ADAMTS20: variants seen among roughly 807,000 people sequenced by gnomAD.
ADAMTS20 encodes the protein ADAM metallopeptidase with thrombospondin type 1 motif 20.
A neutral mutation model predicts 260.1 loss-of-function variants in ADAMTS20; 225 were observed. That is an observed-to-expected ratio of 0.87 (90% CI 0.78 to 0.97). The LOEUF (loss-of-function observed/expected upper bound fraction) is 0.97. Ranked by LOEUF, ADAMTS20 falls within the 50% of genes least tolerant of loss-of-function variation. The pLI is 0.00. For missense variants in ADAMTS20, 2,400 were observed against 2,337.7 expected (o/e 1.03, Z -0.55); for synonymous variants, 802 against 769.5 (o/e 1.04, Z -0.70).
chr12:43,372,943 T>C (rs746224792), intron 36 of ADAMTS20, among the ~76,000 whole-genome samples: 6 of 152,114 alleles, frequency 3.9e-5, no homozygotes, highest in African/African-American at 7.2e-5. Flanking sequence ...ATTTTGAAAT[T>C]TGAAGCTACA....
At chr12:43,549,218 A>G (rs1375525291) in intron 2 of ADAMTS20, among the ~76,000 whole-genome samples, 4 of 151,594 alleles carry the variant, frequency 2.6e-5, no homozygotes, top group African/African-American at 9.7e-5. Flanking sequence ...ATAAATGAGG[A>G]AATAATAAAT....
chr12:43,474,251 C>A (rs1228434818), intron 7 of ADAMTS20, among the ~76,000 whole-genome samples: 5 of 134,648 alleles, frequency 3.7e-5, no homozygotes, highest in Admixed American at 1.5e-4. Flanking sequence ...GAAATGGATA[C>A]ATTCCTCGAC....
At chr12:43,541,796 C>T (rs938478679) in intron 2 of ADAMTS20, among the ~76,000 whole-genome samples, 6 of 152,054 alleles carry the variant, frequency 3.9e-5, no homozygotes, top group Non-Finnish European at 8.8e-5. Context: ...GTTAGTTGTT[C>T]TTCTCTTCTC....
chr12:43,440,215 C>G, intron 16 of ADAMTS20, 146 bp from the exon 17 acceptor site: 1 of 622,020 alleles, frequency 1.6e-6, no homozygotes, highest in Non-Finnish European at 2.7e-6. Context: ...ACAATATTGG[C>G]TCACTGTAAC....
chr12:43,482,692 C>G (rs1348357319), intron 7 of ADAMTS20, among the ~76,000 whole-genome samples: 1 of 152,176 alleles, frequency 6.6e-6, no homozygotes, highest in Non-Finnish European at 1.5e-5. Context: ...CTCCACCTGC[C>G]CTGGTAGCAT....
In ADAMTS20 at chr12:43,383,603, C is replaced by A; in HGVS notation, c.4752G>T (p.Arg1584Ser). 6.2e-7 allele frequency: 1 copy of A among 1,613,542 alleles called. No individual in the cohort carries two copies. The highest frequency in any genetic ancestry group is 8.5e-7 in the Non-Finnish European group (1 of 1,179,716). Reference protein sequence around the residue: ...STISLTSKNCRNPPCNYIVVT... With the variant: ...STISLTSKNCSNPPCNYIVVT... Reference sequence around the variant, plus strand: ...CCACAATGTAATTGCAAGGAGGGTTCCTGCAATTCTTGGATGTAAGAGATA... The same window carrying A: ...CCACAATGTAATTGCAAGGAGGGTTACTGCAATTCTTGGATGTAAGAGATA... Residue 1584 changes from arginine (R) to serine (S), a missense_variant, in exon 31 of 39, where the codon AGG becomes AGT. Coordinates refer to ENST00000389420, the MANE Select transcript of ADAMTS20 (RefSeq NM_025003.5).
At chr12:43,447,828 C>T (rs1378095515) in intron 14 of ADAMTS20, among the ~76,000 whole-genome samples, 1 of 151,900 alleles carries the variant, frequency 6.6e-6, no homozygotes, top group Non-Finnish European at 1.5e-5. Context: ...AAACTTACTA[C>T]CATTCCTACA....
Position 43,371,205 on chromosome 12 carries a change from C to T in ADAMTS20, c.5447-1824G>A, listed in dbSNP as rs182402386. ...CGCCAAAATGCTTCTCCCTTCCATG[C>T]TTTTGTTCATGCTTCTCCCTCCTCC... On this transcript the variant is annotated intron_variant, in intron 36 of 38. Coordinates refer to ENST00000389420, the MANE Select transcript of ADAMTS20 (RefSeq NM_025003.5). Among the ~76,000 whole-genome samples the T allele has an allele frequency of 1.1e-4, 16 of 152,308 alleles. No homozygotes were observed. In the East Asian group the frequency reaches 1.5e-3, roughly 15 times the overall value.
intron 3 of ADAMTS20, among the ~76,000 whole-genome samples, chr12:43,512,746 C>A (rs1248334537): frequency 6.6e-6 from 1 of 152,146 alleles, no homozygotes; most frequent in African/African-American, 2.4e-5. Context: ...TTATTGTGTA[C>A]ATTTTAAAAC....
chr12:43,446,752 A>G (rs1941769397), intron 14 of ADAMTS20, 40 bp from the exon 15 acceptor site: 1 of 1,499,718 alleles, frequency 6.7e-7, no homozygotes, highest in African/African-American at 1.4e-5. Context: ...AAGAATGACT[A>G]ATTATGAAGA....
intron 3 of ADAMTS20, among the ~76,000 whole-genome samples, chr12:43,526,547 A>G (rs543952709): frequency 6.6e-4 from 101 of 152,296 alleles, no homozygotes; most frequent in African/African-American, 2.3e-3. Flanking sequence ...CCTAAACTAC[A>G]CAAATACATG....
At position 43,417,325 on chromosome 12, in the gene ADAMTS20, A is replaced by T. The variant is rs558037206; in HGVS notation, c.4284+8189T>A. On this transcript the variant is annotated intron_variant, in intron 28 of 38. Coordinates refer to ENST00000389420, the MANE Select transcript of ADAMTS20 (RefSeq NM_025003.5). ...GATTTACTATGTGACCTAATAACTG[A>T]ACTATCAAAAACTTTGCAATATTTC... Among the ~76,000 whole-genome samples the T allele has an allele frequency of 4.9e-4, 75 of 152,348 alleles. 1 individual carries two copies. The highest frequency in any genetic ancestry group is 1.7e-3 in the African/African-American group (70 of 41,586).
Position 43,356,473 on chromosome 12 carries a change from G to T in ADAMTS20, c.5643+11C>A. 2.5e-6 allele frequency: 4 copies of T among 1,578,046 alleles called. No homozygotes were observed. Among genetic ancestry groups the T allele is most frequent in the African/African-American group, 2.7e-5 (2 of 74,296 alleles). On this transcript the variant is annotated intron_variant, in intron 38 of 38. Transcript: ENST00000389420. Reference sequence around the variant, plus strand: ...TATTTCAAACAGGCTTTTTGGTCCCGCAGGACTTACCTCTGATCTTCGTAT... The same window carrying T: ...TATTTCAAACAGGCTTTTTGGTCCCTCAGGACTTACCTCTGATCTTCGTAT...
chr12:43,437,334 T>C (rs1941576194), intron 18 of ADAMTS20, among the ~76,000 whole-genome samples: 2 of 152,130 alleles, frequency 1.3e-5, no homozygotes, highest in Non-Finnish European at 1.5e-5. Context: ...GAAAAGTTAA[T>C]GTGAGGAAGT....
chr12:43,515,780 C>T (rs1942992070), intron 3 of ADAMTS20, among the ~76,000 whole-genome samples: 1 of 152,096 alleles, frequency 6.6e-6, no homozygotes, highest in Non-Finnish European at 1.5e-5. Context: ...TCAGCTGTTA[C>T]TAAGTTCACT....
chr12:43,461,624 A>C (rs1942066967), intron 11 of ADAMTS20, among the ~76,000 whole-genome samples: 2 of 152,148 alleles, frequency 1.3e-5, no homozygotes, highest in African/African-American at 4.8e-5. Context: ...TAATCAGGTG[A>C]ACATCTTGGA....
At chr12:43,424,727 TAATAGTCCTGATTAATTGACAGCAAGCC>T (rs1941297502) in intron 28 of ADAMTS20, among the ~76,000 whole-genome samples, 1 of 151,994 alleles carries the variant, frequency 6.6e-6, no homozygotes, top group South Asian at 2.1e-4. Flanking sequence ...ATAAATAATA[TAATAGTCCTGATTAATTGACAGCAAGCC>T]AAACATAAAA....
rs567071708 is a variant in ADAMTS20 at position 43,480,511 on chromosome 12, T to G, written c.1117+9884A>C. Among the ~76,000 whole-genome samples the G allele has an allele frequency of 6.2e-4, 95 of 152,304 alleles. 1 individual carries two copies. Among genetic ancestry groups the G allele is most frequent in the African/African-American group, 2.1e-3 (86 of 41,572 alleles). ...GCTTTTTGAGAAATCTTCATACTAT[T>G]TTCCATAATGGCTGTAGTAATTTAC... On this transcript the variant is annotated intron_variant, in intron 7 of 38. Coordinates refer to ENST00000389420, the MANE Select transcript of ADAMTS20 (RefSeq NM_025003.5).
At position 43,531,339 on chromosome 12, in the gene ADAMTS20, A is replaced by G. The variant is rs1592112794; in HGVS notation, c.613+697T>C. ...TTTTTTTTCATCTAAAATCCTGCTG[A>G]AAAAAATTAAATAATACTAATGTGA... On this transcript the variant is annotated intron_variant, in intron 3 of 38. Transcript: ENST00000389420. 2.6e-5 allele frequency among the ~76,000 whole-genome samples: 4 copies of G among 151,942 alleles called. 1 individual carries two copies. The highest frequency in any genetic ancestry group is 2.6e-4 in the Admixed American group (4 of 15,262).
Sources: gnomAD v4.1 joint callset for allele counts (sites outside exome capture counted in the v4.1 genomes callset) on GRCh38, gnomAD v4.1.1 for gene constraint, MANE v1.5 for transcripts, NCBI Gene and HGNC (gene_info 2026-07-23, HGNC 2026-07-21) for gene names.